ARHGEF7: variants seen among roughly 807,000 people sequenced by gnomAD.
The protein encoded by ARHGEF7 is Rho guanine nucleotide exchange factor 7.
In ARHGEF7, 33 loss-of-function variants were observed where a neutral mutation model predicts 109.8. The ratio of observed to expected loss-of-function variants is 0.30; its 90% CI spans 0.23 to 0.40. ARHGEF7 has a LOEUF of 0.40. Among genes scored for constraint, ARHGEF7 ranks in the 10% least tolerant of loss-of-function variants. The pLI is 1.00. For missense variants in ARHGEF7, 938 were observed against 1,098.5 expected (o/e 0.85, Z 2.07); for synonymous variants, 458 against 424.6 (o/e 1.08, Z -0.97).
At chr13:111,188,001 G>A (rs1403760738) in intron 2 of ARHGEF7, among the ~76,000 whole-genome samples, 1 of 152,200 alleles carries the variant, frequency 6.6e-6, no homozygotes, top group Admixed American at 6.5e-5. Context: ...TTGAGTACAG[G>A]TGGGGCTGAT....
chr13:111,265,715 G>A, intron 8 of ARHGEF7: 1 of 456,146 alleles, frequency 2.2e-6, no homozygotes, highest in South Asian at 1.5e-5. Context: ...TAAAAGGTGG[G>A]CCTTGGAGGT....
intron 2 of ARHGEF7, among the ~76,000 whole-genome samples, chr13:111,171,492 C>T (rs905821226): frequency 2.0e-5 from 3 of 152,220 alleles, no homozygotes; most frequent in Admixed American, 6.5e-5. Flanking sequence ...TAATATCGCT[C>T]CAGGTTACAT....
intron 8 of ARHGEF7, among the ~76,000 whole-genome samples, chr13:111,247,152 C>T (rs2089002619): frequency 6.6e-6 from 1 of 152,108 alleles, no homozygotes; most frequent in Non-Finnish European, 1.5e-5. Flanking sequence ...TATGAATATT[C>T]TGAAATTTTC....
intron 2 of ARHGEF7, among the ~76,000 whole-genome samples, chr13:111,183,145 G>C (rs1688205399): frequency 6.6e-6 from 1 of 152,202 alleles, no homozygotes; most frequent in Non-Finnish European, 1.5e-5. Context: ...GGTGTAAATA[G>C]TCAAGAGTTA....
chr13:111,233,945 G>A (rs760441857), intron 6 of ARHGEF7, among the ~76,000 whole-genome samples: 6 of 152,106 alleles, frequency 3.9e-5, no homozygotes, highest in Non-Finnish European at 7.4e-5. Context: ...TGTAGCAATT[G>A]CATGTTCTAT....
chr13:111,141,330 C>A (rs897449293), intron 1 of ARHGEF7, among the ~76,000 whole-genome samples: 1 of 151,580 alleles, frequency 6.6e-6, no homozygotes, highest in African/African-American at 2.4e-5. Flanking sequence ...CAACCCCTGG[C>A]AACTGTTGAT....
At chr13:111,302,280 A>G (rs1364834340) in intron 21 of ARHGEF7, among the ~76,000 whole-genome samples, 9 of 152,086 alleles carry the variant, frequency 5.9e-5, no homozygotes, top group African/African-American at 2.2e-4. Flanking sequence ...TGGGGTGTTC[A>G]TTGCACGGAA....
chr13:111,280,647 C>A lies in ARHGEF7; in HGVS notation c.1695C>A (p.Thr565=). The change falls in exon 15 of 22, where the codon ACC becomes ACA. Residue 565 remains threonine (T), a synonymous_variant. Coordinates refer to ENST00000646102, the MANE Select transcript of ARHGEF7 (RefSeq NM_001354046.2). ...AGGTCACGTCTGTGGGAAACCCCAC[C>A]ATAAAGCCTCATTCAGTGCCATCTC... ...QTKVTSVGNP[T]IKPHSVPSHT... 6.2e-7 allele frequency: 1 copy of A among 1,607,238 alleles called. No individual in the cohort carries two copies.
chr13:111,206,072 T>C (rs2081795797), intron 3 of ARHGEF7, among the ~76,000 whole-genome samples: 1 of 152,150 alleles, frequency 6.6e-6, no homozygotes, highest in African/African-American at 2.4e-5. Flanking sequence ...AGGAACTTTT[T>C]AGTTGCTTTT....
At chr13:111,267,805 T>C in intron 9 of ARHGEF7, 135 bp downstream of exon 9, 1 of 1,127,038 alleles carries the variant, frequency 8.9e-7, no homozygotes. Flanking sequence ...TCAAAATTAG[T>C]GCTTGAGAAG....
chr13:111,271,918 A>G (rs878972117), intron 9 of ARHGEF7, among the ~76,000 whole-genome samples: 2 of 152,202 alleles, frequency 1.3e-5, no homozygotes, highest in Admixed American at 1.3e-4. Context: ...CTTGTTGGCA[A>G]GGGCAGACAG....
chr13:111,288,264 G>A lies in ARHGEF7; in HGVS notation c.2045-90G>A, dbSNP rs528738653. On this transcript the variant is annotated intron_variant, in intron 17 of 21. Coordinates refer to ENST00000646102, the MANE Select transcript of ARHGEF7 (RefSeq NM_001354046.2). The stretch of plus-strand genomic sequence containing the variant: ...GCAGATTATCTTACTTGGTCACTTT[G>A]GTCGAGTTGATGTCTGCATTGCATT... The A allele has an allele frequency of 5.2e-5, 34 of 654,170 alleles. 1 individual carries two copies. The South Asian group carries it at 1.0e-3, about 20-fold the overall frequency. The allele number at this position is 654,170 out of a possible 1,614,324, so 40.5% of individuals were successfully genotyped here.
intron 1 of ARHGEF7, among the ~76,000 whole-genome samples, chr13:111,120,460 CAT>C (rs1442776362): frequency 2.2e-5 from 3 of 135,718 alleles, no homozygotes; most frequent in Non-Finnish European, 3.2e-5. Context: ...TACGTAAACA[CAT>C]GCATGTAAAT....
chr13:111,247,272 TC>T (rs2089026859), intron 8 of ARHGEF7, among the ~76,000 whole-genome samples: 1 of 138,772 alleles, frequency 7.2e-6, no homozygotes, highest in South Asian at 2.3e-4. Context: ...TCATACTCAT[TC>T]TTTTTTTTTT....
chr13:111,304,090 G>A lies in ARHGEF7; in HGVS notation c.*977G>A, dbSNP rs891184084. 2.6e-5 allele frequency: 4 copies of A among 152,208 alleles called. No individual in the cohort carries two copies. Among genetic ancestry groups the A allele is most frequent in the African/African-American group, 9.7e-5 (4 of 41,434 alleles). 9.4% of individuals were successfully genotyped at this position (152,208 alleles called of 1,614,324 possible). ...TTTGTCATCAGGCCAGCCTCATCCCGAGGTCTCCTCCACCATTGGCCGTAG... is the reference window on the plus strand; with the variant it reads ...TTTGTCATCAGGCCAGCCTCATCCCAAGGTCTCCTCCACCATTGGCCGTAG... On this transcript the variant is annotated 3_prime_UTR_variant, in exon 22 of 22. Coordinates refer to ENST00000646102, the MANE Select transcript of ARHGEF7 (RefSeq NM_001354046.2).
chr13:111,301,453 G>A lies in ARHGEF7; in HGVS notation c.2412-25G>A, dbSNP rs762818041. 6 of 1,607,394 alleles carry A rather than the reference G, an allele frequency of 3.7e-6. 1 individual carries two copies. In the South Asian group the frequency reaches 6.6e-5, roughly 18 times the overall value. The stretch of plus-strand genomic sequence containing the variant: ...TCTCCATGCCTCACCTTGTTCATGT[G>A]TGTGTGTTCTGTTTCCTGTTTCAGG... On this transcript the variant is annotated intron_variant, in intron 20 of 21. Coordinates refer to ENST00000646102, the MANE Select transcript of ARHGEF7 (RefSeq NM_001354046.2).
intron 6 of ARHGEF7, among the ~76,000 whole-genome samples, chr13:111,237,205 T>G (rs1041789893): frequency 2.6e-5 from 4 of 152,218 alleles, no homozygotes; most frequent in Non-Finnish European, 5.9e-5. Flanking sequence ...GTTATTTGCA[T>G]CAGGTATAAT....
intron 6 of ARHGEF7, among the ~76,000 whole-genome samples, chr13:111,240,504 C>T (rs2087584828): frequency 6.6e-6 from 1 of 152,202 alleles, no homozygotes; most frequent in Non-Finnish European, 1.5e-5. Context: ...GAGGAGCCAG[C>T]AGGAGCTTCT....
chr13:111,194,939 T>C (rs919685829), intron 2 of ARHGEF7, among the ~76,000 whole-genome samples: 1 of 152,190 alleles, frequency 6.6e-6, no homozygotes, highest in Admixed American at 6.5e-5. Flanking sequence ...GTATAGGGGT[T>C]GGGTACAACT....
Sources: allele counts gnomAD v4.1 joint callset (sites outside exome capture counted in the v4.1 genomes callset), GRCh38; gene constraint gnomAD v4.1.1; transcripts MANE v1.5; gene names NCBI Gene and HGNC (gene_info 2026-07-23, HGNC 2026-07-21).